Variants in TDRD9 observed in about 807,000 individuals in gnomAD.
The protein encoded by TDRD9 is ATP-dependent RNA helicase TDRD9.
TDRD9 carries 124 observed loss-of-function variants against 172.6 expected under a neutral mutation model. The observed-to-expected ratio is 0.72, with a 90% confidence interval of 0.62 to 0.83. The LOEUF is 0.83. Among genes scored for constraint, TDRD9 ranks in the 40% least tolerant of loss-of-function variants. The probability of loss-of-function intolerance (pLI) is 0.00; values close to 1 mark genes in which losing one functional copy is unlikely to be tolerated. For missense variants in TDRD9, 1,479 were observed against 1,714.1 expected (o/e 0.86, Z 2.42); for synonymous variants, 619 against 617.1 (o/e 1.00, Z -0.05).
intron 7 of TDRD9, among the ~76,000 whole-genome samples, chr14:103,983,823 AAATGTGGG>A (rs1159722736): frequency 2.0e-5 from 3 of 152,232 alleles, no homozygotes; most frequent in Non-Finnish European, 2.9e-5. Context: ...GGAGACAGGA[AAATGTGGG>A]AAAGTTTGGA....
chr14:103,989,526 C>T (rs993573425), intron 8 of TDRD9, among the ~76,000 whole-genome samples: 1 of 152,196 alleles, frequency 6.6e-6, no homozygotes. Context: ...GGGGGTATGA[C>T]AGGAGCTTTA....
chr14:104,008,460 TAG>T lies in TDRD9; in HGVS notation c.2105_2106del (p.Glu702GlyfsTer3). 3.2e-6 allele frequency: 5 copies of T among 1,564,916 alleles called. No individual in the cohort carries two copies. Among genetic ancestry groups the T allele is most frequent in the Non-Finnish European group, 4.4e-6 (5 of 1,137,962 alleles). On this transcript the variant is annotated frameshift_variant, in exon 20 of 36. Transcript: ENST00000409874. LOFTEE classifies it high-confidence loss of function. ...TAAATTACATTCAAATCAAGAGAAT[TAG>T]AGAGGTAAGTTAAGTTTTTTGACCA... ...RLNYIQIKRI[R>X]EVAELYEELK...
At chr14:103,950,496 T>G (rs1281122832) in intron 1 of TDRD9, among the ~76,000 whole-genome samples, 1 of 152,230 alleles carries the variant, frequency 6.6e-6, no homozygotes, top group African/African-American at 2.4e-5. Flanking sequence ...TGCTGAGCAA[T>G]TTAATCTTGA....
chr14:103,941,004 C>T (rs780319617), intron 1 of TDRD9: 2 of 1,535,410 alleles, frequency 1.3e-6, no homozygotes, highest in South Asian at 2.4e-5. Context: ...CTTGCTCACT[C>T]CCTCTGTCAG....
rs188183354 is a variant in TDRD9, at chr14:103,976,361, C to A, written c.1011+808C>A. Among the ~76,000 whole-genome samples, 5 of 151,534 alleles carry A rather than the reference C, an allele frequency of 3.3e-5. No individual in the cohort carries two copies. In the East Asian group the frequency reaches 9.8e-4, roughly 30 times the overall value. Reference sequence around the variant, plus strand: ...CGATCTCAGCTCACTGCAAGCTCTGCCTTCCAGGTTCACACCATTCTCCTG... The same window carrying A: ...CGATCTCAGCTCACTGCAAGCTCTGACTTCCAGGTTCACACCATTCTCCTG... On this transcript the variant is annotated intron_variant, in intron 7 of 35. Coordinates refer to ENST00000409874, the MANE Select transcript of TDRD9 (RefSeq NM_153046.3).
rs1303215360 is a variant in TDRD9, at chr14:104,052,013, C to T, written c.4080C>T (p.Asp1360=). The part of the protein sequence containing the change: ...VDPKLVMEQA[D]RESSRGKNTF... Reference sequence around the variant, plus strand: ...CAAAGCTGGTCATGGAGCAGGCCGACCGTGAGAGCAGCAGAGGGAAGAACA... The same window carrying T: ...CAAAGCTGGTCATGGAGCAGGCCGATCGTGAGAGCAGCAGAGGGAAGAACA... The change falls in exon 36 of 36, where the codon GAC becomes GAT. Residue 1360 remains aspartate (D), a synonymous_variant. Coordinates refer to ENST00000409874, the MANE Select transcript of TDRD9 (RefSeq NM_153046.3). 1 of 1,596,898 alleles carries T rather than the reference C, an allele frequency of 6.3e-7. No homozygotes were observed. Among genetic ancestry groups the T allele is most frequent in the Non-Finnish European group, 8.5e-7 (1 of 1,171,466 alleles).
chr14:103,955,160 A>G (rs1158990889), intron 1 of TDRD9, among the ~76,000 whole-genome samples: 2 of 151,956 alleles, frequency 1.3e-5, no homozygotes, highest in East Asian at 3.9e-4. Flanking sequence ...CTGAGCACAA[A>G]GTGATCCAGC....
intron 2 of TDRD9, among the ~76,000 whole-genome samples, chr14:103,956,132 AT>A (rs1255170727): frequency 4.8e-5 from 5 of 104,804 alleles, no homozygotes; most frequent in African/African-American, 2.3e-4. Flanking sequence ...ATATATATAT[AT>A]ATATATATAT....
intron 20 of TDRD9, among the ~76,000 whole-genome samples, chr14:104,010,391 C>T (rs1294320071): frequency 6.6e-6 from 1 of 152,088 alleles, no homozygotes; most frequent in African/African-American, 2.4e-5. Flanking sequence ...CCTAGGCGTA[C>T]ACAGAGTCAG....
chr14:104,042,035 C>A, intron 33 of TDRD9, 34 bp from the exon 34 acceptor site: 2 of 1,312,212 alleles, frequency 1.5e-6, no homozygotes, highest in Non-Finnish European at 2.2e-6. Context: ...TACGACGGAG[C>A]CTTATGAGTG....
intron 32 of TDRD9, 68 bp downstream of exon 32, chr14:104,035,124 C>A: frequency 8.1e-7 from 1 of 1,240,976 alleles, no homozygotes; most frequent in Non-Finnish European, 1.1e-6. Context: ...ACGGGTGCCT[C>A]TCCTTGCTCC....
rs531692516 is a variant in TDRD9, at chr14:104,050,753, C to T, written c.4047+1073C>T. Among the ~76,000 whole-genome samples, 11 of 152,344 alleles carry T rather than the reference C, an allele frequency of 7.2e-5. No homozygotes were observed. In the South Asian group the frequency reaches 2.3e-3, roughly 32 times the overall value. ...ATGGGCAAGGAGAGGGGCGGCCACA[C>T]CAGCCCCCATGGCCATCAGGCTCGG... On this transcript the variant is annotated intron_variant, in intron 35 of 35. Coordinates refer to ENST00000409874, the MANE Select transcript of TDRD9 (RefSeq NM_153046.3).
chr14:103,980,339 G>T lies in TDRD9; in HGVS notation c.1011+4786G>T, dbSNP rs992364190. Among the ~76,000 whole-genome samples, 13 of 152,104 alleles carry T rather than the reference G, an allele frequency of 8.5e-5. No individual in the cohort carries two copies. The highest frequency in any genetic ancestry group is 1.6e-4 in the Non-Finnish European group (11 of 68,006). ...GTAAGGAGTGTGAGCCATCTCCAAT[G>T]ATAGGTAAGGTCATGTGGGTCACGT... On this transcript the variant is annotated intron_variant, in intron 7 of 35. Transcript: ENST00000409874. The surrounding 1 kb of genome is among the most constrained non-coding windows in gnomAD (Gnocchi z 4.5).
chr14:104,001,174 G>T (rs930480182), intron 13 of TDRD9, among the ~76,000 whole-genome samples: 6 of 152,212 alleles, frequency 3.9e-5, no homozygotes, highest in African/African-American at 7.2e-5. Flanking sequence ...GCACAGAACT[G>T]TCCTGTCCCA....
intron 32 of TDRD9, among the ~76,000 whole-genome samples, chr14:104,038,137 C>T (rs2035505683): frequency 6.6e-6 from 1 of 152,092 alleles, no homozygotes; most frequent in Non-Finnish European, 1.5e-5. Flanking sequence ...GGTTTAGAGG[C>T]TAAGTCACGT....
In TDRD9 at chr14:103,970,576, A is replaced by G. The variant is rs1268861364; in HGVS notation, c.801A>G (p.Leu267=). Residue 267 remains leucine, a synonymous_variant, in exon 6 of 36, where the codon CTA becomes CTG. Transcript: ENST00000409874. ...HERTEEMDFL[L]LVVRKLLRTN... Reference sequence around the variant, plus strand: ...GAACAGAAGAAATGGATTTCCTGCTATTGGTAGTCCGCAAACTCTTAAGAA... The same window carrying G: ...GAACAGAAGAAATGGATTTCCTGCTGTTGGTAGTCCGCAAACTCTTAAGAA... 24 of 1,551,588 alleles carry G rather than the reference A, an allele frequency of 1.5e-5. No individual in the cohort carries two copies. The East Asian group carries it at 5.4e-4, about 35-fold the overall frequency.
At chr14:103,964,873 G>A (rs867184578) in intron 3 of TDRD9, among the ~76,000 whole-genome samples, 3 of 152,238 alleles carry the variant, frequency 2.0e-5, no homozygotes, top group East Asian at 3.9e-4. Flanking sequence ...TGTGGCAACC[G>A]TTTGTCGCCT....
chr14:104,002,661 A>G (rs2034300742), intron 13 of TDRD9, among the ~76,000 whole-genome samples: 1 of 152,124 alleles, frequency 6.6e-6, no homozygotes, highest in Admixed American at 6.5e-5. Flanking sequence ...TACTATATGC[A>G]GAGAGACTTT....
At chr14:103,936,235 G>A (rs111468184) in intron 1 of TDRD9, among the ~76,000 whole-genome samples, 3,470 of 152,192 alleles carry the variant, frequency 0.023, 79 homozygotes, top group East Asian at 0.071. Flanking sequence ...GACCACAGGT[G>A]CATGCTGCCA....
Sources: allele counts gnomAD v4.1 joint callset (sites outside exome capture counted in the v4.1 genomes callset), GRCh38; gene constraint gnomAD v4.1.1; non-coding constraint Gnocchi (gnomAD v3.1); transcripts MANE v1.5; gene names NCBI Gene and HGNC (gene_info 2026-07-23, HGNC 2026-07-21).